ATOSA: variants seen among roughly 807,000 people sequenced by gnomAD.
ATOSA encodes the protein atos homolog A.
At chr15:52,638,392 T>C in the ATOSA span, among the ~76,000 whole-genome samples, 1 of 152,032 alleles carries the variant, frequency 6.6e-6, no homozygotes, top group African/African-American at 2.4e-5. Flanking sequence ...CTACGGACTA[T>C]GGGTGATGGT....
chr15:52,595,854 A>C, the ATOSA span, among the ~76,000 whole-genome samples: 1 of 152,132 alleles, frequency 6.6e-6, no homozygotes, highest in Non-Finnish European at 1.5e-5. Context: ...TTACACTTGT[A>C]ATCCCAGCAG....
the ATOSA span, among the ~76,000 whole-genome samples, chr15:52,648,400 G>A: frequency 6.6e-6 from 1 of 152,034 alleles, no homozygotes; most frequent in South Asian, 2.1e-4. Flanking sequence ...ACATGTATAT[G>A]ATGTGTAATG....
the ATOSA span, among the ~76,000 whole-genome samples, chr15:52,680,354 G>C: frequency 6.6e-6 from 1 of 151,942 alleles, no homozygotes; most frequent in Non-Finnish European, 1.5e-5. Flanking sequence ...AAGGCTCTTT[G>C]GTTTCATTAG....
At chr15:52,689,690 G>T in the ATOSA span, among the ~76,000 whole-genome samples, 4 of 152,156 alleles carry the variant, frequency 2.6e-5, no homozygotes, top group Non-Finnish European at 5.9e-5. Context: ...CTGGCAAGTG[G>T]CCTACAAAGT....
At chr15:52,609,405 G>T in the ATOSA span, 1 of 1,613,830 alleles carries the variant, frequency 6.2e-7, no homozygotes, top group Non-Finnish European at 8.5e-7. Context: ...ACTGCCGGGG[G>T]ATATGTGATG....
chr15:52,708,590 A>G, the ATOSA span, among the ~76,000 whole-genome samples: 2 of 152,166 alleles, frequency 1.3e-5, no homozygotes, highest in Admixed American at 6.5e-5. Context: ...TGTAAAATCT[A>G]CCTTGCAAAA....
chr15:52,614,579 G>A, the ATOSA span, among the ~76,000 whole-genome samples: 1 of 151,812 alleles, frequency 6.6e-6, no homozygotes, highest in African/African-American at 2.4e-5. Flanking sequence ...CGGGCGTGGT[G>A]GCTCATGCCT....
the ATOSA span, among the ~76,000 whole-genome samples, chr15:52,698,410 T>C: frequency 6.6e-6 from 1 of 152,180 alleles, no homozygotes; most frequent in Non-Finnish European, 1.5e-5. Context: ...TCTTTATACT[T>C]AAAAGAAATT....
the ATOSA span, among the ~76,000 whole-genome samples, chr15:52,604,829 G>A: frequency 1.3e-5 from 2 of 151,908 alleles, no homozygotes; most frequent in Non-Finnish European, 2.9e-5. Flanking sequence ...CCCAGTTAGT[G>A]GTATCAGTAA....
At chr15:52,613,921 C>G in the ATOSA span, 15 of 1,339,748 alleles carry the variant, frequency 1.1e-5, no homozygotes, top group South Asian at 1.8e-4. Flanking sequence ...CTCATCTGGT[C>G]TGCCTAAAAT....
chr15:52,674,561 C>A, the ATOSA span, among the ~76,000 whole-genome samples: 1 of 152,130 alleles, frequency 6.6e-6, no homozygotes. Context: ...CATATAGAAG[C>A]CATAATTGTA....
chr15:52,583,310 T>C, the ATOSA span, among the ~76,000 whole-genome samples: 1 of 152,250 alleles, frequency 6.6e-6, no homozygotes, highest in Non-Finnish European at 1.5e-5. Context: ...AGGAATGCTG[T>C]CAAATGCAAG....
At chr15:52,707,173 T>A in the ATOSA span, among the ~76,000 whole-genome samples, 1 of 152,234 alleles carries the variant, frequency 6.6e-6, no homozygotes, top group African/African-American at 2.4e-5. Context: ...ATGGTAAACA[T>A]TGGTTTGAAC....
At chr15:52,600,215 A>G in the ATOSA span, 1 of 1,607,048 alleles carries the variant, frequency 6.2e-7, no homozygotes, top group Non-Finnish European at 8.5e-7. Flanking sequence ...ATCATCTTCA[A>G]TGTTTAAACA....
At chr15:52,687,407 A>AAAATAAAT in the ATOSA span, among the ~76,000 whole-genome samples, 271 of 152,398 alleles carry the variant, frequency 1.8e-3, 1 homozygote, top group African/African-American at 6.2e-3. Flanking sequence ...TCCGTCTCAA[A>AAAATAAAT]AAATAAATAA....
the ATOSA span, among the ~76,000 whole-genome samples, chr15:52,672,248 C>G: frequency 6.7e-6 from 1 of 149,350 alleles, no homozygotes; most frequent in Non-Finnish European, 1.5e-5. Flanking sequence ...ACTCTGGAAG[C>G]TTAAGCAGGA....
chr15:52,614,219 C>A, the ATOSA span, among the ~76,000 whole-genome samples: 2,311 of 152,176 alleles, frequency 0.015, 66 homozygotes, highest in African/African-American at 0.052. Context: ...GATTCTCCTG[C>A]CTCAGCCTCC....
the ATOSA span, chr15:52,608,778 C>T: frequency 3.1e-6 from 5 of 1,605,798 alleles, no homozygotes; most frequent in East Asian, 1.1e-4. Context: ...GCTCACATGT[C>T]TTAGGCCTTT....
At chr15:52,708,934 C>T in the ATOSA span, among the ~76,000 whole-genome samples, 2 of 152,076 alleles carry the variant, frequency 1.3e-5, no homozygotes, top group African/African-American at 2.4e-5. Context: ...AATCACAAAC[C>T]CAAATGCCTC....
Sources: gnomAD v4.1 joint callset for allele counts (sites outside exome capture counted in the v4.1 genomes callset) on GRCh38, gnomAD v4.1.1 for gene constraint, MANE v1.5 for transcripts, NCBI Gene and HGNC (gene_info 2026-07-23, HGNC 2026-07-21) for gene names.